Variants in ANKS1B observed in about 807,000 individuals in gnomAD.
The protein encoded by ANKS1B is ankyrin repeat and sterile alpha motif domain containing 1B.
ANKS1B carries 36 observed loss-of-function variants against 148.3 expected under a neutral mutation model. The ratio of observed to expected loss-of-function variants is 0.24; its 90% CI spans 0.19 to 0.32. The LOEUF is 0.32. Among genes scored for constraint, ANKS1B ranks in the 10% least tolerant of loss-of-function variants. The probability of loss-of-function intolerance (pLI) is 1.00; values close to 1 mark genes in which losing one functional copy is unlikely to be tolerated. For synonymous variants in ANKS1B, 542 were observed against 560.8 expected (o/e 0.97, Z 0.47); for missense variants, 1,157 against 1,542.6 (o/e 0.75, Z 4.19).
At chr12:98,755,977 A>G (rs530730267) in intron 25 of ANKS1B, among the ~76,000 whole-genome samples, 2 of 152,246 alleles carry the variant, frequency 1.3e-5, no homozygotes, top group African/African-American at 4.8e-5. Context: ...TGAATTTGTG[A>G]GGTTGAATCA....
rs1036252791 is a variant in ANKS1B, at chr12:98,744,971, G to A, written c.*768C>T. 3 of 985,672 alleles carry A rather than the reference G, an allele frequency of 3.0e-6. No homozygotes were observed. Among genetic ancestry groups the A allele is most frequent in the Non-Finnish European group, 3.6e-6 (3 of 829,916 alleles). 61.1% of individuals were successfully genotyped at this position (985,672 alleles called of 1,614,324 possible). A position where few individuals can be genotyped will look rare whatever the true frequency, so the allele number is the denominator to read the frequency against. ...CAGTAGAAATTTAATTATTTGAAAT[G>A]AAACCAGAAACATCCCTCGCAACTA... On this transcript the variant is annotated 3_prime_UTR_variant, in exon 27 of 27. Transcript: ENST00000683438.
chr12:99,752,210 T>C (rs1215846003), intron 8 of ANKS1B, among the ~76,000 whole-genome samples: 1 of 152,068 alleles, frequency 6.6e-6, no homozygotes, highest in African/African-American at 2.4e-5. Flanking sequence ...CTATTTCTTT[T>C]TTTAACACAC....
Position 99,764,345 on chromosome 12 carries a change from G to C in ANKS1B, c.1128+8577C>G, listed in dbSNP as rs2062444270. Reference sequence around the variant, plus strand: ...GATCAAAAATAGTTTTCAATAAGTAGAGATGGTAGGGATAATATATATAGA... The same window carrying C: ...GATCAAAAATAGTTTTCAATAAGTACAGATGGTAGGGATAATATATATAGA... On this transcript the variant is annotated intron_variant, in intron 8 of 26. Coordinates refer to ENST00000683438, the MANE Select transcript of ANKS1B (RefSeq NM_001352186.2). Among the ~76,000 whole-genome samples, 3 of 152,200 alleles carry C rather than the reference G, an allele frequency of 2.0e-5. No individual in the cohort carries two copies. The South Asian group carries it at 6.2e-4, about 31-fold the overall frequency.
intron 12 of ANKS1B, among the ~76,000 whole-genome samples, chr12:99,248,167 A>G (rs2074109294): frequency 6.6e-6 from 1 of 152,182 alleles, no homozygotes; most frequent in Non-Finnish European, 1.5e-5. Context: ...TTTTTAAGAA[A>G]TTGGCAACCA....
intron 12 of ANKS1B, among the ~76,000 whole-genome samples, chr12:99,375,683 A>C (rs2093361376): frequency 6.6e-6 from 1 of 152,168 alleles, no homozygotes; most frequent in African/African-American, 2.4e-5. Context: ...TGTTAAAAAA[A>C]AAACCCTAAA....
Position 99,080,593 on chromosome 12 carries a change from CAA to C in ANKS1B, c.2625+4330_2625+4331del, listed in dbSNP as rs1452780606. Among the ~76,000 whole-genome samples the C allele has an allele frequency of 2.6e-5, 4 of 152,350 alleles. No individual in the cohort carries two copies. In the East Asian group the frequency reaches 7.7e-4, roughly 29 times the overall value. On this transcript the variant is annotated intron_variant, in intron 16 of 26. Coordinates refer to ENST00000683438, the MANE Select transcript of ANKS1B (RefSeq NM_001352186.2). ...AGCAGATGCGATATGAGCCTTGACA[CAA>C]AGTCCTGCAAACCTTTAAAATGAAA... is the stretch of plus-strand genomic sequence containing the variant.
At chr12:99,206,795 C>CTAGATCA (rs1469652696) in intron 14 of ANKS1B, among the ~76,000 whole-genome samples, 1 of 152,154 alleles carries the variant, frequency 6.6e-6, no homozygotes, top group East Asian at 1.9e-4. Context: ...GCCTATTGAA[C>CTAGATCA]TAGATCAGTC....
intron 8 of ANKS1B, among the ~76,000 whole-genome samples, chr12:99,745,301 T>C (rs1438834571): frequency 2.0e-5 from 3 of 152,134 alleles, no homozygotes; most frequent in Non-Finnish European, 2.9e-5. Context: ...TGTTGCAACA[T>C]AACAAACTAA....
At chr12:99,623,154 A>G (rs1034935936) in intron 9 of ANKS1B, among the ~76,000 whole-genome samples, 5 of 152,048 alleles carry the variant, frequency 3.3e-5, no homozygotes, top group African/African-American at 1.2e-4. Flanking sequence ...CAAAAACCAT[A>G]TGGTCATCTC....
chr12:98,859,792 T>C (rs923741252), intron 17 of ANKS1B, among the ~76,000 whole-genome samples: 8 of 152,318 alleles, frequency 5.3e-5, no homozygotes, highest in Admixed American at 1.3e-4. Context: ...GTAAGCAAAA[T>C]GGGAAAGCTC....
intron 9 of ANKS1B, among the ~76,000 whole-genome samples, chr12:99,609,387 A>T (rs2097880287): frequency 6.6e-6 from 1 of 151,938 alleles, no homozygotes; most frequent in Non-Finnish European, 1.5e-5. Flanking sequence ...ACCAGTGATG[A>T]GAGAGACGTC....
chr12:98,744,199 A>C lies in ANKS1B; in HGVS notation c.*1540T>G, dbSNP rs1002111548. On this transcript the variant is annotated 3_prime_UTR_variant, in exon 27 of 27. Transcript: ENST00000683438. ...TACATATCAACAGTGAATAGGCAAA[A>C]TATATACAAGGAACTGTTCAGTTCA... 1.8e-5 allele frequency: 18 copies of C among 974,774 alleles called. No homozygotes were observed. The highest frequency in any genetic ancestry group is 6.2e-5 in the Admixed American group (1 of 16,258). 60.4% of individuals were successfully genotyped at this position (974,774 alleles called of 1,614,324 possible). A position where few individuals can be genotyped will look rare whatever the true frequency, so the allele number is the denominator to read the frequency against.
At chr12:98,834,668 T>A (rs541256018) in intron 17 of ANKS1B, among the ~76,000 whole-genome samples, 1 of 152,292 alleles carries the variant, frequency 6.6e-6, no homozygotes, top group Non-Finnish European at 1.5e-5. Context: ...TGGAAGAGCT[T>A]AGTGATTTTT....
chr12:99,053,229 G>A lies in ANKS1B; in HGVS notation c.2706C>T (p.Thr902=), dbSNP rs763535049. 4 of 1,610,806 alleles carry A rather than the reference G, an allele frequency of 2.5e-6. No individual in the cohort carries two copies. Among genetic ancestry groups the A allele is most frequent in the Admixed American group, 1.7e-5 (1 of 59,670 alleles). Residue 902 remains threonine, a synonymous_variant, in exon 17 of 27, where the codon ACC becomes ACT. Transcript: ENST00000683438. ...WLDSIELGDY[T]KAFLINGYTS... is the part of the protein sequence containing the mutation. ...TGTAGCCATTAATTAGAAAGGCTTTGGTGTAGTCGCCCAGTTCAATGGAAT... is the reference window on the plus strand; with the variant it reads ...TGTAGCCATTAATTAGAAAGGCTTTAGTGTAGTCGCCCAGTTCAATGGAAT...
At chr12:99,142,159 G>A (rs187444750) in intron 15 of ANKS1B, among the ~76,000 whole-genome samples, 39 of 151,998 alleles carry the variant, frequency 2.6e-4, no homozygotes, top group African/African-American at 7.0e-4. Context: ...AAGGAAGACT[G>A]AGAAGGTAGG....
chr12:99,274,378 T>C (rs946039401), intron 12 of ANKS1B, among the ~76,000 whole-genome samples: 3 of 152,184 alleles, frequency 2.0e-5, no homozygotes, highest in African/African-American at 4.8e-5. Context: ...AGAAGACAGG[T>C]GGCACTTTCA....
intron 1 of ANKS1B, among the ~76,000 whole-genome samples, chr12:99,877,386 C>G (rs1314964741): frequency 6.6e-6 from 1 of 152,056 alleles, no homozygotes; most frequent in Admixed American, 6.6e-5. Flanking sequence ...CATGATTATG[C>G]CCCCTAGAAA....
chr12:99,326,772 G>C (rs139694458), intron 12 of ANKS1B, among the ~76,000 whole-genome samples: 1 of 151,178 alleles, frequency 6.6e-6, no homozygotes, highest in East Asian at 1.9e-4. Flanking sequence ...TATGGCACTT[G>C]ATATTAGCAT....
At chr12:99,893,162 G>A (rs2093203338) in intron 1 of ANKS1B, among the ~76,000 whole-genome samples, 1 of 152,106 alleles carries the variant, frequency 6.6e-6, no homozygotes, top group Admixed American at 6.5e-5. Context: ...TGTAATCCTA[G>A]CACTTTGGGA....
Sources: gnomAD v4.1 joint callset for allele counts (sites outside exome capture counted in the v4.1 genomes callset) on GRCh38, gnomAD v4.1.1 for gene constraint, MANE v1.5 for transcripts, NCBI Gene and HGNC (gene_info 2026-07-23, HGNC 2026-07-21) for gene names.